Variants in ZC3H14 observed in about 807,000 individuals in gnomAD.
ZC3H14 encodes zinc finger CCCH domain-containing protein 14.
A neutral mutation model predicts 92.4 loss-of-function variants in ZC3H14; 31 were observed. The ratio of observed to expected loss-of-function variants is 0.34; its 90% CI spans 0.25 to 0.45. The LOEUF is 0.45. Ranked by LOEUF, ZC3H14 falls within the 20% of genes least tolerant of loss-of-function variation. The pLI is 1.00. For missense variants in ZC3H14, 781 were observed against 897.3 expected (o/e 0.87, Z 1.66); for synonymous variants, 321 against 300.9 (o/e 1.07, Z -0.69).
intron 10 of ZC3H14, among the ~76,000 whole-genome samples, chr14:88,600,937 G>C (rs1595041529): frequency 6.6e-6 from 1 of 151,942 alleles, no homozygotes; most frequent in South Asian, 2.1e-4. Flanking sequence ...CCTTCTACGT[G>C]CGTTTTCCTC....
chr14:88,583,585 TG>T lies in ZC3H14; in HGVS notation c.1279+5446del, dbSNP rs567977804. Among the ~76,000 whole-genome samples, 453 of 152,332 alleles carry T rather than the reference TG, an allele frequency of 3.0e-3. 2 individuals carry two copies. The highest frequency in any genetic ancestry group is 0.011 in the African/African-American group (439 of 41,572). ...CCATTATAATTTTCATCATTGAAAG[TG>T]TGTTTTCTATACAGTATTTGGAAGT... is the stretch of plus-strand genomic sequence containing the variant. On this transcript the variant is annotated intron_variant, in intron 9 of 16. Coordinates refer to ENST00000251038, the MANE Select transcript of ZC3H14 (RefSeq NM_024824.5).
At chr14:88,608,131 T>G (rs183609901) in intron 13 of ZC3H14, 232 of 303,084 alleles carry the variant, frequency 7.7e-4, no homozygotes, top group Non-Finnish European at 1.1e-3. Context: ...TCCCCCCATC[T>G]CATCCTGCAA....
In ZC3H14 at chr14:88,622,549, G is replaced by A. The variant is rs1027892743; in HGVS notation, c.*10798G>A. 5 of 1,382,374 alleles carry A rather than the reference G, an allele frequency of 3.6e-6. No individual in the cohort carries two copies. Among genetic ancestry groups the A allele is most frequent in the African/African-American group, 1.5e-5 (1 of 68,558 alleles). 85.6% of individuals were successfully genotyped at this position (1,382,374 alleles called of 1,614,324 possible). A position where few individuals can be genotyped will look rare whatever the true frequency, so the allele number is the denominator to read the frequency against. On this transcript the variant is annotated 3_prime_UTR_variant, in exon 17 of 17. Transcript: ENST00000251038. ...GGCTGCAAAGGGTGAGGGAATCACA[G>A]TAATAACCACTTTCTGTTTTCTGCT... is the stretch of plus-strand genomic sequence containing the variant.
rs1451204633 is a variant in ZC3H14, at chr14:88,618,393, G to A, written c.*6642G>A. The A allele has an allele frequency of 2.8e-6, 4 of 1,425,924 alleles. No homozygotes were observed. Among genetic ancestry groups the A allele is most frequent in the Non-Finnish European group, 3.9e-6 (4 of 1,016,990 alleles). The allele number at this position is 1,425,924 out of a possible 1,614,324, so 88.3% of individuals were successfully genotyped here. ...TAGGTGAGAGACAAAATCCACAGGG[G>A]GTTTACAGAATACTAGCATATTGCT... On this transcript the variant is annotated 3_prime_UTR_variant, in exon 17 of 17. Transcript: ENST00000251038.
At chr14:88,594,651 G>A in intron 9 of ZC3H14, 1 of 1,609,088 alleles carries the variant, frequency 6.2e-7, no homozygotes, top group Admixed American at 1.7e-5. Context: ...ATAACTTAAT[G>A]AGCTGTGAAG....
intron 11 of ZC3H14, 45 bp from the exon 12 acceptor site, chr14:88,602,781 TTG>T: frequency 6.3e-7 from 1 of 1,593,506 alleles, no homozygotes; most frequent in Non-Finnish European, 8.6e-7. Context: ...GCTCAGCGTT[TTG>T]TGTTTGTTTC....
intron 9 of ZC3H14, among the ~76,000 whole-genome samples, chr14:88,586,282 C>G (rs2139826603): frequency 6.6e-6 from 1 of 152,312 alleles, no homozygotes; most frequent in South Asian, 2.1e-4. Flanking sequence ...CTTAACATCT[C>G]TGAGTGTTAT....
intron 9 of ZC3H14, among the ~76,000 whole-genome samples, chr14:88,588,113 G>A (rs2082676002): frequency 6.6e-6 from 1 of 151,650 alleles, no homozygotes; most frequent in South Asian, 2.1e-4. Flanking sequence ...TAGCCTAAAA[G>A]TCTTATCACT....
In ZC3H14 at chr14:88,618,025, G is replaced by A; in HGVS notation, c.*6274G>A. The A allele has an allele frequency of 2.8e-6, 1 of 352,952 alleles. No individual in the cohort carries two copies. The highest frequency in any genetic ancestry group is 4.4e-5 in the Admixed American group (1 of 22,792). The allele number at this position is 352,952 out of a possible 1,614,324, so 21.9% of individuals were successfully genotyped here. On this transcript the variant is annotated 3_prime_UTR_variant, in exon 17 of 17. Coordinates refer to ENST00000251038, the MANE Select transcript of ZC3H14 (RefSeq NM_024824.5). ...TTTGATTTCCTTAAAAAAAAAACTT[G>A]ATAAATCATGGAAACTGATAAAACA...
At position 88,626,575 on chromosome 14, in the gene ZC3H14, C is replaced by A; in HGVS notation, c.*14824C>A. 2.3e-6 allele frequency: 1 copy of A among 430,600 alleles called. No individual in the cohort carries two copies. The highest frequency in any genetic ancestry group is 4.3e-6 in the Non-Finnish European group (1 of 234,476). The allele number at this position is 430,600 out of a possible 1,614,324, so 26.7% of individuals were successfully genotyped here. On this transcript the variant is annotated 3_prime_UTR_variant, in exon 17 of 17. Coordinates refer to ENST00000251038, the MANE Select transcript of ZC3H14 (RefSeq NM_024824.5). The stretch of plus-strand genomic sequence containing the variant: ...GAGGCTACAGTGAGCTATAATCGCA[C>A]CATTGCACCCCAGCCCAGGCGACAG...
In ZC3H14 at chr14:88,572,189, C is replaced by G. The variant is rs949306224; in HGVS notation, c.395C>G (p.Ser132Cys). Residue 132 changes from serine to cysteine, a missense_variant, in exon 5 of 17, where the codon TCT becomes TGT. Ser to Cys is a moderately radical substitution (Grantham distance 112, BLOSUM62 -1). This residue lies in a region of ZC3H14 where 454 missense variants were observed against 438.5 expected (regional missense o/e 1.04). Coordinates refer to ENST00000251038, the MANE Select transcript of ZC3H14 (RefSeq NM_024824.5). ...CCTGAAAAAAGAGATTCCAGAGTTT[C>G]TACAAGTTCGCAGGAGTCAAAAACC... The part of the protein sequence containing the change: ...ARPEKRDSRV[S>C]TSSQESKTTN... 6.2e-7 allele frequency: 1 copy of G among 1,614,130 alleles called. No homozygotes were observed. Among genetic ancestry groups the G allele is most frequent in the South Asian group, 1.1e-5 (1 of 91,078 alleles).
intron 9 of ZC3H14, chr14:88,586,579 T>C (rs1414210262): frequency 1.3e-5 from 2 of 152,242 alleles, no homozygotes. Context: ...AGGTGATCTG[T>C]CCTTTCTCTC....
In ZC3H14 at chr14:88,612,811, CT is replaced by C. The variant is rs1861402288; in HGVS notation, c.*1061del. The C allele has an allele frequency of 6.6e-6, 1 of 152,462 alleles. No individual in the cohort carries two copies. Among genetic ancestry groups the C allele is most frequent in the Non-Finnish European group, 1.5e-5 (1 of 68,014 alleles). 9.4% of individuals were successfully genotyped at this position (152,462 alleles called of 1,614,324 possible). A position where few individuals can be genotyped will look rare whatever the true frequency, so the allele number is the denominator to read the frequency against. On this transcript the variant is annotated 3_prime_UTR_variant, in exon 17 of 17. Transcript: ENST00000251038. The stretch of plus-strand genomic sequence containing the variant: ...GTTTTTTTGTGTGTGGTTTTTAAAA[CT>C]GTTAAGGCAAGAAGTGTCAAATGCT...
At chr14:88,611,036 CTG>C in intron 16 of ZC3H14, 96 bp downstream of exon 16, 1 of 1,217,604 alleles carries the variant, frequency 8.2e-7, no homozygotes, top group Non-Finnish European at 1.2e-6. Flanking sequence ...GGAAACTAGA[CTG>C]TTACTTTGAA....
rs992763832 is a variant in ZC3H14 at position 88,618,634 on chromosome 14, A to T, written c.*6883A>T. On this transcript the variant is annotated 3_prime_UTR_variant, in exon 17 of 17. Coordinates refer to ENST00000251038, the MANE Select transcript of ZC3H14 (RefSeq NM_024824.5). The stretch of plus-strand genomic sequence containing the variant: ...AGAAGAACTTGCCACCTGGGTATAC[A>T]GTATTGGTACTGTACCTGGAGATAA... 6.3e-7 allele frequency: 1 copy of T among 1,598,140 alleles called. No homozygotes were observed. The highest frequency in any genetic ancestry group is 1.8e-5 in the Admixed American group (1 of 56,832).
In ZC3H14 at chr14:88,613,387, T is replaced by C. The variant is rs1320327344; in HGVS notation, c.*1636T>C. 6.6e-6 allele frequency: 1 copy of C among 152,020 alleles called. No homozygotes were observed. The highest frequency in any genetic ancestry group is 1.5e-5 in the Non-Finnish European group (1 of 68,028). The allele number at this position is 152,020 out of a possible 1,614,324, so 9.4% of individuals were successfully genotyped here. A position where few individuals can be genotyped will look rare whatever the true frequency, so the allele number is the denominator to read the frequency against. ...TTGTTTAAATATCTGGAAATACTTTTAGCTATCATTTATAAAGATAGTTTT... is the reference window on the plus strand; with the variant it reads ...TTGTTTAAATATCTGGAAATACTTTCAGCTATCATTTATAAAGATAGTTTT... On this transcript the variant is annotated 3_prime_UTR_variant, in exon 17 of 17. Transcript: ENST00000251038.
Position 88,627,331 on chromosome 14 carries a change from A to G in ZC3H14, c.*15580A>G. On this transcript the variant is annotated 3_prime_UTR_variant, in exon 17 of 17. Transcript: ENST00000251038. ...TCTGCCATTATCATTAGAAATATACATAATTTTCATAAGAATCTCCAAAAC... is the reference window on the plus strand; with the variant it reads ...TCTGCCATTATCATTAGAAATATACGTAATTTTCATAAGAATCTCCAAAAC... 1 of 459,462 alleles carries G rather than the reference A, an allele frequency of 2.2e-6. No homozygotes were observed. Among genetic ancestry groups the G allele is most frequent in the Non-Finnish European group, 3.8e-6 (1 of 260,746 alleles). The allele number at this position is 459,462 out of a possible 1,614,324, so 28.5% of individuals were successfully genotyped here. A position where few individuals can be genotyped will look rare whatever the true frequency, so the allele number is the denominator to read the frequency against.
chr14:88,563,590 G>T, intron 1 of ZC3H14, 61 bp from the exon 2 acceptor site: 2 of 1,602,360 alleles, frequency 1.2e-6, no homozygotes, highest in Non-Finnish European at 1.7e-6. Context: ...CCGCTGCAGA[G>T]TCCGGTCTTG....
In ZC3H14 at chr14:88,615,830, A is replaced by G; in HGVS notation, c.*4079A>G. The G allele has an allele frequency of 6.2e-7, 1 of 1,612,094 alleles. No individual in the cohort carries two copies. Among genetic ancestry groups the G allele is most frequent in the African/African-American group, 1.3e-5 (1 of 75,052 alleles). ...ATCTCAGCATCTCTCAGTGAGGTGTATGTACACATTTCCAGACAAATAAGC... is the reference window on the plus strand; with the variant it reads ...ATCTCAGCATCTCTCAGTGAGGTGTGTGTACACATTTCCAGACAAATAAGC... On this transcript the variant is annotated 3_prime_UTR_variant, in exon 17 of 17. Coordinates refer to ENST00000251038, the MANE Select transcript of ZC3H14 (RefSeq NM_024824.5).
Sources: gnomAD v4.1 joint callset for allele counts (sites outside exome capture counted in the v4.1 genomes callset) on GRCh38, gnomAD v4.1.1 for gene constraint, gnomAD v4.1.1 regional missense constraint, MANE v1.5 for transcripts, NCBI Gene and HGNC (gene_info 2026-07-23, HGNC 2026-07-21) for gene names.